Variants in CGGBP1 observed in about 807,000 individuals in gnomAD.
CGGBP1 encodes the protein CGG triplet repeat-binding protein 1.
CGGBP1 carries 4 observed loss-of-function variants against 11.4 expected under a neutral mutation model. That is an observed-to-expected ratio of 0.35 (90% CI 0.17 to 0.80). The LOEUF (loss-of-function observed/expected upper bound fraction) is 0.80, where lower values mean the gene tolerates loss of function less well. CGGBP1 is among the 30% of genes least tolerant of loss of function. The probability of loss-of-function intolerance (pLI) is 0.52; values close to 1 mark genes in which losing one functional copy is unlikely to be tolerated. For missense variants in CGGBP1, 135 were observed against 202.1 expected, an observed-to-expected ratio of 0.67 and a Z score of 2.01; for synonymous variants, 76 against 74.1, an observed-to-expected ratio of 1.03 and a Z score of -0.13.
intron 1 of CGGBP1, chr3:88,141,647 G>A (rs1185856747): frequency 3.3e-6 from 5 of 1,509,124 alleles, no homozygotes; most frequent in Non-Finnish European, 4.5e-6. Context: ...TTTTACAGGT[G>A]CCTGATGAAA....
At chr3:88,086,394 C>G in intron 2 of CGGBP1, 1 of 1,523,602 alleles carries the variant, frequency 6.6e-7, no homozygotes, top group Non-Finnish European at 8.8e-7. Flanking sequence ...TTTTGAGTAG[C>G]CTTGCTGTGT....
chr3:88,125,009 A>G (rs1359704107), intron 2 of CGGBP1, among the ~76,000 whole-genome samples: 3 of 152,036 alleles, frequency 2.0e-5, no homozygotes, highest in Non-Finnish European at 4.4e-5. Flanking sequence ...AGGTCAAGAG[A>G]TTGAGACTAT....
upstream of CGGBP1, among the ~76,000 whole-genome samples, chr3:88,060,243 T>G (rs1706789793): frequency 6.6e-6 from 1 of 152,184 alleles, no homozygotes; most frequent in South Asian, 2.1e-4. Flanking sequence ...CTTCAATATA[T>G]AATGTATTTT....
chr3:88,109,142 A>T (rs1303397306), intron 2 of CGGBP1, among the ~76,000 whole-genome samples: 3 of 142,434 alleles, frequency 2.1e-5, no homozygotes, highest in East Asian at 2.1e-4. Flanking sequence ...AGTGGGCACT[A>T]GTGTGTGTGT....
chr3:88,059,221 G>T, upstream of CGGBP1: 2 of 1,491,300 alleles, frequency 1.3e-6, no homozygotes, highest in African/African-American at 1.4e-5. Context: ...AGGGAGGAGG[G>T]AAGGGGGAGG....
intron 2 of CGGBP1, among the ~76,000 whole-genome samples, chr3:88,129,321 TAAAAAA>T (rs11370327): frequency 7.8e-5 from 6 of 76,948 alleles, no homozygotes; most frequent in African/African-American, 1.1e-4. Context: ...TTGCCAGGAG[TAAAAAA>T]AAAAAAAAAA....
At chr3:88,132,699 T>C (rs1373528867) in intron 2 of CGGBP1, among the ~76,000 whole-genome samples, 2 of 152,222 alleles carry the variant, frequency 1.3e-5, no homozygotes, top group African/African-American at 2.4e-5. Flanking sequence ...TTTCAACATT[T>C]AGGGGAAGTA....
intron 2 of CGGBP1, among the ~76,000 whole-genome samples, chr3:88,111,861 A>G (rs1162765409): frequency 6.6e-6 from 1 of 151,982 alleles, no homozygotes; most frequent in Admixed American, 6.6e-5. Flanking sequence ...CATAAATATG[A>G]GAGGAGAAAT....
At chr3:88,085,270 A>G (rs765087514) in intron 2 of CGGBP1, among the ~76,000 whole-genome samples, 1 of 152,192 alleles carries the variant, frequency 6.6e-6, no homozygotes. Flanking sequence ...TTTGTAAGCC[A>G]TATTCTTTCT....
chr3:88,116,689 T>C (rs1190692212), intron 2 of CGGBP1, among the ~76,000 whole-genome samples: 1 of 151,996 alleles, frequency 6.6e-6, no homozygotes, highest in African/African-American at 2.4e-5. Context: ...AATGAGGGTA[T>C]GATCCAAACT....
At chr3:88,081,903 A>G (rs191199737) in intron 2 of CGGBP1, among the ~76,000 whole-genome samples, 2 of 152,214 alleles carry the variant, frequency 1.3e-5, no homozygotes, top group Non-Finnish European at 2.9e-5. Context: ...AAATACTTTT[A>G]TATATACAAC....
At chr3:88,116,282 A>T (rs1206004203) in intron 2 of CGGBP1, among the ~76,000 whole-genome samples, 2 of 152,122 alleles carry the variant, frequency 1.3e-5, no homozygotes, top group African/African-American at 2.4e-5. Flanking sequence ...GCACTTTGGG[A>T]GGCCGAGGCG....
In CGGBP1 at chr3:88,053,875, T is replaced by C. The variant is rs979042706; in HGVS notation, c.*1598A>G. On this transcript the variant is annotated 3_prime_UTR_variant, in exon 4 of 4. Coordinates refer to ENST00000482016, the MANE Select transcript of CGGBP1 (RefSeq NM_001008390.2). The stretch of plus-strand genomic sequence containing the variant: ...ATGCATTTATCATACTACTTTAACA[T>C]AACTGAACATGAGGAAAACAGTTCA... 9.2e-5 allele frequency: 14 copies of C among 152,584 alleles called. No homozygotes were observed. Among genetic ancestry groups the C allele is most frequent in the Non-Finnish European group, 2.1e-4 (14 of 67,990 alleles). The allele number at this position is 152,584 out of a possible 1,614,324, so 9.5% of individuals were successfully genotyped here. A position where few individuals can be genotyped will look rare whatever the true frequency, so the allele number is the denominator to read the frequency against.
intron 2 of CGGBP1, among the ~76,000 whole-genome samples, chr3:88,070,558 T>G (rs1707448947): frequency 8.3e-6 from 1 of 120,294 alleles, no homozygotes; most frequent in African/African-American, 3.0e-5. Context: ...AAGGCAACAC[T>G]GCCTGTTTTT....
At chr3:88,141,863 C>T (rs1707150148) in intron 1 of CGGBP1, 1 of 397,820 alleles carries the variant, frequency 2.5e-6, no homozygotes, top group African/African-American at 2.1e-5. Context: ...CCCAAAGTAC[C>T]AGTTTTCCAG....
intron 2 of CGGBP1, among the ~76,000 whole-genome samples, chr3:88,133,406 ATAGG>A (rs554699914): frequency 1.0e-3 from 154 of 152,260 alleles, no homozygotes; most frequent in African/African-American, 3.3e-3. Flanking sequence ...GGTTGGGGAA[ATAGG>A]TAGGATCGAT....
chr3:88,113,994 A>C (rs887655076), intron 2 of CGGBP1, among the ~76,000 whole-genome samples: 1 of 152,170 alleles, frequency 6.6e-6, no homozygotes, highest in Non-Finnish European at 1.5e-5. Context: ...CAAGTATTTA[A>C]AACTTACTAA....
chr3:88,128,623 C>T (rs1559728909), intron 2 of CGGBP1, among the ~76,000 whole-genome samples: 1 of 151,974 alleles, frequency 6.6e-6, no homozygotes, highest in Non-Finnish European at 1.5e-5. Context: ...GTTTTGGTGT[C>T]ACTCTTCTTT....
chr3:88,068,812 C>G (rs1248614248), intron 2 of CGGBP1, among the ~76,000 whole-genome samples: 2 of 152,034 alleles, frequency 1.3e-5, no homozygotes, highest in African/African-American at 4.8e-5. Context: ...ATGGCTTGAC[C>G]AAGTCCTGTA....
Sources: gnomAD v4.1 joint callset for allele counts (sites outside exome capture counted in the v4.1 genomes callset) on GRCh38, gnomAD v4.1.1 for gene constraint, MANE v1.5 for transcripts, NCBI Gene and HGNC (gene_info 2026-07-23, HGNC 2026-07-21) for gene names.